The following TGFBRAP1 variants were observed in gnomAD, a reference collection of about 807,000 sequenced individuals.
TGFBRAP1 encodes the protein transforming growth factor-beta receptor-associated protein 1.
TGFBRAP1 carries 20 observed loss-of-function variants against 83.2 expected under a neutral mutation model. The observed-to-expected ratio is 0.24, with a 90% CI of 0.17 to 0.35. The LOEUF (loss-of-function observed/expected upper bound fraction) is 0.35. Among genes scored for constraint, TGFBRAP1 ranks in the 10% least tolerant of loss-of-function variants. The probability of loss-of-function intolerance (pLI) is 1.00; values close to 1 mark genes in which losing one functional copy is unlikely to be tolerated. For missense variants in TGFBRAP1, 950 were observed against 1,099.4 expected (o/e 0.86, Z 1.92); for synonymous variants, 415 against 459.8 (o/e 0.90, Z 1.25).
downstream of TGFBRAP1, among the ~76,000 whole-genome samples, chr2:105,261,770 C>A (rs1267850680): frequency 6.6e-6 from 1 of 151,874 alleles, no homozygotes; most frequent in Non-Finnish European, 1.5e-5. Flanking sequence ...ACAGGACAGG[C>A]AAGGCAAGGC....
chr2:105,319,898 T>C (rs1331238149), intron 1 of TGFBRAP1, among the ~76,000 whole-genome samples: 1 of 151,046 alleles, frequency 6.6e-6, no homozygotes, highest in Admixed American at 6.6e-5. Flanking sequence ...GAAATATATA[T>C]ATTTGTTATA....
chr2:105,319,179 G>A (rs1396961643), intron 1 of TGFBRAP1, among the ~76,000 whole-genome samples: 1 of 151,944 alleles, frequency 6.6e-6, no homozygotes, highest in African/African-American at 2.4e-5. Context: ...TCGTGCCTCA[G>A]CCTCCTGAGT....
intron 7 of TGFBRAP1, among the ~76,000 whole-genome samples, chr2:105,277,266 A>T (rs926419687): frequency 2.0e-5 from 3 of 152,250 alleles, no homozygotes; most frequent in Admixed American, 2.0e-4. Flanking sequence ...CATCACTAAC[A>T]GTGGAAATGG....
chr2:105,306,564 G>A (rs940082751), intron 2 of TGFBRAP1, among the ~76,000 whole-genome samples: 6 of 152,008 alleles, frequency 3.9e-5, no homozygotes, highest in East Asian at 1.9e-4. Context: ...TTGGGAGGCC[G>A]AGGTGGGTGG....
intron 11 of TGFBRAP1, 163 bp from the exon 12 acceptor site, chr2:105,267,722 A>G: frequency 2.0e-6 from 2 of 985,480 alleles, no homozygotes; most frequent in Non-Finnish European, 2.4e-6. Context: ...AAAGGTGTAA[A>G]TAAAACCATC....
chr2:105,276,286 A>C (rs1247704830), intron 7 of TGFBRAP1, among the ~76,000 whole-genome samples: 1 of 152,168 alleles, frequency 6.6e-6, no homozygotes, highest in African/African-American at 2.4e-5. Context: ...CTACCATGTT[A>C]AGTGAAGCCT....
In TGFBRAP1 at chr2:105,267,325, AT is replaced by A. The variant is rs1676976913; in HGVS notation, c.*57del. On this transcript the variant is annotated 3_prime_UTR_variant, in exon 12 of 12. Coordinates refer to ENST00000393359, the MANE Select transcript of TGFBRAP1 (RefSeq NM_004257.6). ...AGAGCATGGTGGTCATCTGCTCTTC[AT>A]GTCCAGCAGGCTCAGAAAGAACTCG... 1 of 1,597,116 alleles carries A rather than the reference AT, an allele frequency of 6.3e-7. No homozygotes were observed.
At chr2:105,320,163 C>A (rs771238974) in intron 1 of TGFBRAP1, among the ~76,000 whole-genome samples, 1 of 152,134 alleles carries the variant, frequency 6.6e-6, no homozygotes, top group Admixed American at 6.5e-5. Flanking sequence ...CTGCAAAAAA[C>A]CCTCACATTT....
At chr2:105,255,084 G>T in the TGFBRAP1 span, among the ~76,000 whole-genome samples, 3 of 152,206 alleles carry the variant, frequency 2.0e-5, no homozygotes, top group Non-Finnish European at 2.9e-5. Flanking sequence ...TTTCTGCCTT[G>T]TTGTGAGAAG....
At chr2:105,251,369 C>G in the TGFBRAP1 span, among the ~76,000 whole-genome samples, 25 of 148,242 alleles carry the variant, frequency 1.7e-4, no homozygotes, top group Non-Finnish European at 3.1e-4. Flanking sequence ...GGGAGCGCCT[C>G]TGCCCCGCCG....
At chr2:105,289,196 CA>C (rs892232749) in intron 4 of TGFBRAP1, among the ~76,000 whole-genome samples, 210 of 140,180 alleles carry the variant, frequency 1.5e-3, no homozygotes, top group African/African-American at 5.0e-3. Context: ...GCAAAATTTA[CA>C]AAAAAAAAAG....
intron 1 of TGFBRAP1, among the ~76,000 whole-genome samples, chr2:105,325,846 A>G (rs986340480): frequency 6.6e-6 from 1 of 152,178 alleles, no homozygotes; most frequent in African/African-American, 2.4e-5. Flanking sequence ...CAATCTTGAA[A>G]TTTGTCAGGA....
Position 105,280,417 on chromosome 2 carries a change from C to T in TGFBRAP1, c.1428G>A (p.Leu476=). The change falls in exon 6 of 12, where the codon CTG becomes CTA. Residue 476 remains leucine, a synonymous_variant. Coordinates refer to ENST00000393359, the MANE Select transcript of TGFBRAP1 (RefSeq NM_004257.6). The part of the protein sequence containing the change: ...DLLVTENFCL[L]TDSAAWLEKH... ...TCTCTAGCCAGGCAGCACTGTCCGT[C>T]AGAAGACAGAAGTTCTCAGTGACCA... is the stretch of plus-strand genomic sequence containing the variant. The T allele has an allele frequency of 6.2e-7, 1 of 1,614,104 alleles. No individual in the cohort carries two copies. Among genetic ancestry groups the T allele is most frequent in the Non-Finnish European group, 8.5e-7 (1 of 1,180,022 alleles).
intron 1 of TGFBRAP1, among the ~76,000 whole-genome samples, chr2:105,315,744 G>A (rs946813402): frequency 6.6e-6 from 1 of 152,170 alleles, no homozygotes; most frequent in Non-Finnish European, 1.5e-5. Context: ...AATCTCATAC[G>A]TTGCTGGAAG....
chr2:105,319,861 TAGTG>T (rs1235535037), intron 1 of TGFBRAP1, among the ~76,000 whole-genome samples: 1 of 150,418 alleles, frequency 6.6e-6, no homozygotes, highest in Non-Finnish European at 1.5e-5. Flanking sequence ...ATTTGTTATA[TAGTG>T]AAATATATAT....
At chr2:105,298,463 A>G in intron 3 of TGFBRAP1, 48 bp downstream of exon 3, 1 of 1,523,586 alleles carries the variant, frequency 6.6e-7, no homozygotes, top group South Asian at 1.3e-5. Context: ...AAGAAATATC[A>G]TAAAAGAGTT....
intron 5 of TGFBRAP1, among the ~76,000 whole-genome samples, chr2:105,283,068 A>G (rs1382564139): frequency 6.6e-6 from 1 of 152,206 alleles, no homozygotes; most frequent in African/African-American, 2.4e-5. Flanking sequence ...GGATACACCC[A>G]TGACCCCGGT....
chr2:105,250,906 T>G, the TGFBRAP1 span, among the ~76,000 whole-genome samples: 2 of 152,230 alleles, frequency 1.3e-5, no homozygotes, highest in Non-Finnish European at 2.9e-5. Context: ...TCTGCCAGCC[T>G]CGGCCTCCCA....
chr2:105,302,157 C>T (rs1678321625), intron 2 of TGFBRAP1, among the ~76,000 whole-genome samples: 1 of 152,120 alleles, frequency 6.6e-6, no homozygotes. Flanking sequence ...AACCATTTCT[C>T]ATGTACTAGA....
Sources: gnomAD v4.1 joint callset for allele counts (sites outside exome capture counted in the v4.1 genomes callset) on GRCh38, gnomAD v4.1.1 for gene constraint, MANE v1.5 for transcripts, NCBI Gene and HGNC (gene_info 2026-07-23, HGNC 2026-07-21) for gene names.